Variants in KLHL5 observed in about 807,000 individuals in gnomAD.
KLHL5 encodes the protein kelch like family member 5, also known as kelch-like protein 5.
Under a neutral mutation model 77.7 loss-of-function variants are expected in KLHL5, and 48 were observed. The ratio of observed to expected loss-of-function variants is 0.62; its 90% confidence interval spans 0.49 to 0.79. KLHL5 has a LOEUF of 0.79. Among genes scored for constraint, KLHL5 ranks in the 30% least tolerant of loss-of-function variants. KLHL5 has a pLI of 0.00. For missense variants in KLHL5, 723 were observed against 859.7 expected, an observed-to-expected ratio of 0.84 and a Z score of 1.99; for synonymous variants, 260 against 297.0, an observed-to-expected ratio of 0.88 and a Z score of 1.28.
chr4:39,057,961 T>G (rs1036157202), upstream of KLHL5, among the ~76,000 whole-genome samples: 3 of 152,212 alleles, frequency 2.0e-5, no homozygotes, highest in African/African-American at 4.8e-5. Flanking sequence ...TTAATGACAT[T>G]TCAGTGTTTC....
At chr4:39,082,251 C>G in intron 4 of KLHL5, 92 bp downstream of exon 4, 1 of 1,017,724 alleles carries the variant, frequency 9.8e-7, no homozygotes, top group South Asian at 1.8e-5. Flanking sequence ...TTTCCCATGG[C>G]TCTGCCACGT....
At chr4:39,136,706 T>G in the KLHL5 span, among the ~76,000 whole-genome samples, 1,997 of 152,170 alleles carry the variant, frequency 0.013, 44 homozygotes, top group African/African-American at 0.045. Flanking sequence ...GAGGGAGATA[T>G]CCACACCTGA....
At chr4:39,141,608 G>A in the KLHL5 span, among the ~76,000 whole-genome samples, 68 of 152,186 alleles carry the variant, frequency 4.5e-4, no homozygotes, top group Non-Finnish European at 7.2e-4. Context: ...ACCGAGCCCG[G>A]CCTATTTTTT....
chr4:39,136,778 G>A, the KLHL5 span, among the ~76,000 whole-genome samples: 2 of 152,210 alleles, frequency 1.3e-5, no homozygotes, highest in Admixed American at 1.3e-4. Context: ...CTGTCCAGGG[G>A]ACAGCCTGCA....
At chr4:39,060,655 T>G (rs978347591), upstream of KLHL5, among the ~76,000 whole-genome samples, 28 of 152,198 alleles carry the variant, frequency 1.8e-4, no homozygotes, top group Non-Finnish European at 1.6e-4. Flanking sequence ...TAATGTAGAC[T>G]GCCTTGACCA....
At chr4:39,079,115 C>G (rs1719370918) in intron 2 of KLHL5, among the ~76,000 whole-genome samples, 1 of 152,146 alleles carries the variant, frequency 6.6e-6, no homozygotes, top group Non-Finnish European at 1.5e-5. Flanking sequence ...ATTTCCAAAA[C>G]TGAACTCATT....
At chr4:39,108,897 A>G (rs557383504) in intron 8 of KLHL5, among the ~76,000 whole-genome samples, 53 of 152,304 alleles carry the variant, frequency 3.5e-4, no homozygotes, top group African/African-American at 1.2e-3. Context: ...TGCCTTCTCT[A>G]AAACCTGATT....
chr4:39,058,775 TTATG>T (rs1717175279), upstream of KLHL5, among the ~76,000 whole-genome samples: 1 of 152,130 alleles, frequency 6.6e-6, no homozygotes, highest in Admixed American at 6.6e-5. Flanking sequence ...GTTGAATAAT[TTATG>T]TATTCATTAG....
the KLHL5 span, among the ~76,000 whole-genome samples, chr4:39,139,756 A>G: frequency 2.0e-5 from 3 of 152,230 alleles, no homozygotes; most frequent in Non-Finnish European, 4.4e-5. Context: ...AGAGGACGCA[A>G]TAGTATCACT....
At chr4:39,094,764 G>GTTA (rs951510106) in intron 5 of KLHL5, among the ~76,000 whole-genome samples, 8 of 151,956 alleles carry the variant, frequency 5.3e-5, no homozygotes. Flanking sequence ...AATGGAGGGG[G>GTTA]TTATTTAATA....
chr4:39,134,020 G>A, the KLHL5 span: 1 of 152,092 alleles, frequency 6.6e-6, no homozygotes, highest in Non-Finnish European at 1.5e-5. Context: ...CAAAGAAAAT[G>A]GTAGCAAATA....
intron 1 of KLHL5, among the ~76,000 whole-genome samples, chr4:39,051,313 T>G (rs1184032897): frequency 6.6e-6 from 1 of 151,374 alleles, no homozygotes; most frequent in African/African-American, 2.4e-5. Context: ...ACCTCATCAG[T>G]GGCCGAAGAG....
At chr4:39,131,498 T>C (rs1287481925), downstream of KLHL5, among the ~76,000 whole-genome samples, 1 of 152,226 alleles carries the variant, frequency 6.6e-6, no homozygotes, top group Non-Finnish European at 1.5e-5. Flanking sequence ...AGAATCATCC[T>C]GCTTAAAACC....
At position 39,113,175 on chromosome 4, in the gene KLHL5, G is replaced by C. The variant is rs184995654; in HGVS notation, c.1844G>C (p.Gly615Ala). 2.1e-5 allele frequency: 34 copies of C among 1,613,996 alleles called. No individual in the cohort carries two copies. Among genetic ancestry groups the C allele is most frequent in the Admixed American group, 3.3e-5 (2 of 59,988 alleles). Residue 615 changes from glycine (G) to alanine (A), a missense_variant, in exon 9 of 11, where the codon GGG becomes GCG. Coordinates refer to ENST00000504108, the MANE Select transcript of KLHL5 (RefSeq NM_015990.5). ...TTWNGLLYAI[G>A]GHDAPASNLT... ...TGGAATGGACTGCTGTATGCTATAGGGGGGCACGATGCTCCCGCATCCAAC... is the reference window on the plus strand; with the variant it reads ...TGGAATGGACTGCTGTATGCTATAGCGGGGCACGATGCTCCCGCATCCAAC...
At chr4:39,112,667 C>A in intron 8 of KLHL5, 1 of 200,184 alleles carries the variant, frequency 5.0e-6, no homozygotes, top group Non-Finnish European at 1.0e-5. Context: ...AAAAAAAAGC[C>A]ATGGTATATT....
chr4:39,092,679 G>A (rs1560427114), intron 5 of KLHL5, among the ~76,000 whole-genome samples: 1 of 152,132 alleles, frequency 6.6e-6, no homozygotes, highest in East Asian at 1.9e-4. Flanking sequence ...TTTGCCTTTC[G>A]TATGCAGTGC....
downstream of KLHL5, among the ~76,000 whole-genome samples, chr4:39,128,597 C>T (rs1187364900): frequency 2.0e-5 from 3 of 152,120 alleles, no homozygotes; most frequent in Non-Finnish European, 4.4e-5. Context: ...ATAAAGACTG[C>T]CAGCAGAATA....
chr4:39,142,563 A>G, the KLHL5 span, among the ~76,000 whole-genome samples: 1 of 152,084 alleles, frequency 6.6e-6, no homozygotes, highest in Non-Finnish European at 1.5e-5. Context: ...CAGCAAGGGC[A>G]CTCGTGGTGT....
At chr4:39,066,029 T>A (rs148188564) in intron 1 of KLHL5, among the ~76,000 whole-genome samples, 45 of 152,344 alleles carry the variant, frequency 3.0e-4, no homozygotes, top group African/African-American at 9.9e-4. Flanking sequence ...TGTCTGAGTC[T>A]TAGACTTCTG....
Sources: allele counts gnomAD v4.1 joint callset (sites outside exome capture counted in the v4.1 genomes callset), GRCh38; gene constraint gnomAD v4.1.1; transcripts MANE v1.5; gene names NCBI Gene and HGNC (gene_info 2026-07-23, HGNC 2026-07-21).